C16orf74: variants seen among roughly 807,000 people sequenced by gnomAD.
C16orf74 encodes uncharacterized protein C16orf74.
In C16orf74, 10 loss-of-function variants were observed where a neutral mutation model predicts 6.5. The ratio of observed to expected loss-of-function variants is 1.54; its 90% CI spans 0.95 to 2.61. The LOEUF (loss-of-function observed/expected upper bound fraction) is 2.61. Ranked by LOEUF, C16orf74 falls within the 30% of genes most tolerant of loss-of-function variation. The pLI, the probability that C16orf74 is intolerant of heterozygous loss-of-function variation, is 0.00. For missense variants in C16orf74, 141 were observed against 105.9 expected (o/e 1.33, Z -1.45); for synonymous variants, 60 against 42.5 (o/e 1.41, Z -1.60).
intron 2 of C16orf74, among the ~76,000 whole-genome samples, chr16:85,732,019 G>C (rs933731074): frequency 5.9e-5 from 9 of 152,234 alleles, no homozygotes; most frequent in African/African-American, 2.2e-4. Context: ...AGGATCTTGG[G>C]ATGACATTAT....
intron 2 of C16orf74, among the ~76,000 whole-genome samples, chr16:85,720,858 C>A (rs149310721): frequency 1.6e-4 from 24 of 150,864 alleles, no homozygotes; most frequent in Non-Finnish European, 2.5e-4. Context: ...GAGGCCGAGG[C>A]GGGTGGATCA....
At chr16:85,748,162 GTA>G (rs59099249) in intron 1 of C16orf74, among the ~76,000 whole-genome samples, 7,797 of 67,728 alleles carry the variant, frequency 0.12, 708 homozygotes, top group African/African-American at 0.23. Flanking sequence ...ATATATATGT[GTA>G]TATATATATA....
At chr16:85,730,614 C>A (rs1388001745) in intron 2 of C16orf74, among the ~76,000 whole-genome samples, 1 of 138,660 alleles carries the variant, frequency 7.2e-6, no homozygotes, top group Non-Finnish European at 1.5e-5. Flanking sequence ...CCAACTAAAC[C>A]CCCAAGACCA....
chr16:85,747,839 G>A (rs1400151109), intron 1 of C16orf74, among the ~76,000 whole-genome samples: 2 of 152,072 alleles, frequency 1.3e-5, no homozygotes, highest in African/African-American at 4.8e-5. Flanking sequence ...TGTAATCCCA[G>A]CACTTTGGGA....
rs1228409082 is a variant in C16orf74 at position 85,735,146 on chromosome 16, C to G, written c.28+44G>C. On this transcript the variant is annotated intron_variant, in intron 2 of 3. Coordinates refer to ENST00000284245, the MANE Select transcript of C16orf74 (RefSeq NM_206967.3). Reference sequence around the variant, plus strand: ...CTCTCCTGCCCCCCAACCCAGCACCCCCTCTGCCATGAGAGCTGGTGGGGG... The same window carrying G: ...CTCTCCTGCCCCCCAACCCAGCACCGCCTCTGCCATGAGAGCTGGTGGGGG... 1.9e-6 allele frequency: 3 copies of G among 1,576,156 alleles called. No individual in the cohort carries two copies. The Admixed American group carries it at 5.4e-5, about 28-fold the overall frequency.
intron 2 of C16orf74, among the ~76,000 whole-genome samples, chr16:85,720,794 G>T (rs564903330): frequency 1.3e-5 from 2 of 149,038 alleles, no homozygotes; most frequent in East Asian, 3.9e-4. Context: ...AAAAAAAAGC[G>T]GTTGGGGGTG....
intron 2 of C16orf74, among the ~76,000 whole-genome samples, chr16:85,729,822 A>G (rs1598796271): frequency 1.3e-5 from 2 of 152,188 alleles, no homozygotes; most frequent in East Asian, 3.9e-4. Flanking sequence ...AAGCTGGAAG[A>G]GGCAGGAAGG....
chr16:85,717,010 G>A (rs1598784442), intron 2 of C16orf74, among the ~76,000 whole-genome samples: 1 of 152,318 alleles, frequency 6.6e-6, no homozygotes, highest in Middle Eastern at 3.4e-3. Flanking sequence ...CCCGTCCCAA[G>A]GCTTCAGAAG....
chr16:85,737,025 A>G (rs965676018), intron 1 of C16orf74, among the ~76,000 whole-genome samples: 2 of 152,044 alleles, frequency 1.3e-5, no homozygotes, highest in African/African-American at 4.8e-5. Flanking sequence ...CCTGGGCGAC[A>G]GAGTGAGACT....
intron 2 of C16orf74, among the ~76,000 whole-genome samples, chr16:85,733,120 C>T (rs1046113924): frequency 1.3e-5 from 2 of 152,200 alleles, no homozygotes; most frequent in Non-Finnish European, 2.9e-5. Flanking sequence ...CAAAGATGTC[C>T]TGACACAATC....
intron 1 of C16orf74, among the ~76,000 whole-genome samples, chr16:85,747,072 C>A (rs745853689): frequency 6.6e-6 from 1 of 152,054 alleles, no homozygotes; most frequent in African/African-American, 2.4e-5. Flanking sequence ...GGAGGCCCAC[C>A]GAAATCCCCA....
chr16:85,738,265 T>C (rs912872454), intron 1 of C16orf74, among the ~76,000 whole-genome samples: 5 of 151,612 alleles, frequency 3.3e-5, no homozygotes, highest in African/African-American at 9.7e-5. Context: ...TGCTGCTTGC[T>C]GCCTGAGCCC....
intron 2 of C16orf74, among the ~76,000 whole-genome samples, chr16:85,716,322 G>A (rs562760138): frequency 4.4e-4 from 64 of 144,568 alleles, no homozygotes; most frequent in Non-Finnish European, 8.4e-4. Context: ...GGAGGGAGGA[G>A]TAAGTTGGGG....
chr16:85,722,431 C>T (rs538981815), intron 2 of C16orf74, among the ~76,000 whole-genome samples: 60 of 152,326 alleles, frequency 3.9e-4, no homozygotes, highest in South Asian at 2.1e-3. Flanking sequence ...AAGGCCGCAG[C>T]CAGAGAGCGG....
chr16:85,727,576 G>A (rs550300967), intron 2 of C16orf74, among the ~76,000 whole-genome samples: 1 of 147,076 alleles, frequency 6.8e-6, no homozygotes, highest in South Asian at 2.2e-4. Flanking sequence ...TTGGCAGGTT[G>A]AGGCAGGAGG....
chr16:85,722,034 G>A (rs1228144590), intron 2 of C16orf74, among the ~76,000 whole-genome samples: 1 of 144,750 alleles, frequency 6.9e-6, no homozygotes, highest in African/African-American at 2.6e-5. Flanking sequence ...TATGTTGCCA[G>A]GTGGAACTCA....
chr16:85,736,234 A>T (rs562591423), intron 1 of C16orf74, among the ~76,000 whole-genome samples: 1 of 152,278 alleles, frequency 6.6e-6, no homozygotes, highest in East Asian at 1.9e-4. Context: ...GAGGACGCCA[A>T]GGAGCAAGTC....
At position 85,710,254 on chromosome 16, in the gene C16orf74, G is replaced by A; in HGVS notation, c.82C>T (p.Leu28=). Residue 28 remains leucine, a synonymous_variant, in exon 3 of 4, where the codon CTG becomes TTG. Transcript: ENST00000284245. ...SSSSHDEAPV[L]NDKHLDVPDI... ...GGCACGTCCAGGTGCTTGTCGTTCA[G>A]GACGGGGGCCTCGTCGTGGCTGCTG... The A allele has an allele frequency of 2.0e-6, 3 of 1,514,730 alleles. No homozygotes were observed. The highest frequency in any genetic ancestry group is 2.6e-6 in the Non-Finnish European group (3 of 1,143,108). The allele number at this position is 1,514,730 out of a possible 1,614,324, so 93.8% of individuals were successfully genotyped here.
intron 2 of C16orf74, among the ~76,000 whole-genome samples, chr16:85,721,649 G>C (rs1278635001): frequency 6.6e-6 from 1 of 152,152 alleles, no homozygotes; most frequent in Non-Finnish European, 1.5e-5. Context: ...TGGGGCTGTC[G>C]GGGGAGCAGG....
Sources: allele counts gnomAD v4.1 joint callset (sites outside exome capture counted in the v4.1 genomes callset), GRCh38; gene constraint gnomAD v4.1.1; transcripts MANE v1.5; gene names NCBI Gene and HGNC (gene_info 2026-07-23, HGNC 2026-07-21).